ABLIM1: variants seen among roughly 807,000 people sequenced by gnomAD.
ABLIM1 encodes the protein actin binding LIM protein 1.
ABLIM1 carries 40 observed loss-of-function variants against 107.0 expected under a neutral mutation model. That is an observed-to-expected ratio of 0.37 (90% CI 0.29 to 0.49). ABLIM1 has a LOEUF of 0.49. Among genes scored for constraint, ABLIM1 ranks in the 20% least tolerant of loss-of-function variants. ABLIM1 has a pLI of 0.97. For missense variants in ABLIM1, 857 were observed against 1,008.5 expected (o/e 0.85, Z 2.04); for synonymous variants, 357 against 357.3 (o/e 1.00, Z 0.01).
At chr10:114,491,012 G>GTGTGTGTGTGTGTGTATATATA in intron 7 of ABLIM1, among the ~76,000 whole-genome samples, 7 of 92,384 alleles carry the variant, frequency 7.6e-5, no homozygotes, top group African/African-American at 2.8e-4. Context: ...GTGTGTGTGT[G>GTGTGTGTGTGTGTGTATATATA]TATATATATA....
At chr10:114,452,202 A>G (rs976308318) in intron 13 of ABLIM1, among the ~76,000 whole-genome samples, 1 of 152,234 alleles carries the variant, frequency 6.6e-6, no homozygotes, top group Non-Finnish European at 1.5e-5. Context: ...TGGGATGTTC[A>G]ACAAATCCTA....
chr10:114,663,183 C>T (rs2079868129), upstream of ABLIM1, among the ~76,000 whole-genome samples: 1 of 152,190 alleles, frequency 6.6e-6, no homozygotes, highest in Admixed American at 6.5e-5. Flanking sequence ...TCTGAAAATC[C>T]ACCTGTGCTT....
chr10:114,650,159 C>T (rs969574299), intron 1 of ABLIM1, among the ~76,000 whole-genome samples: 1 of 152,164 alleles, frequency 6.6e-6, no homozygotes, highest in African/African-American at 2.4e-5. Flanking sequence ...CCAGCCTCCA[C>T]ACAATCCATA....
Position 114,436,187 on chromosome 10 carries a change from G to T in ABLIM1, c.*73C>A. 1 of 1,200,564 alleles carries T rather than the reference G, an allele frequency of 8.3e-7. No homozygotes were observed. Among genetic ancestry groups the T allele is most frequent in the Non-Finnish European group, 1.2e-6 (1 of 832,374 alleles). 74.4% of individuals were successfully genotyped at this position (1,200,564 alleles called of 1,614,324 possible). A position where few individuals can be genotyped will look rare whatever the true frequency, so the allele number is the denominator to read the frequency against. On this transcript the variant is annotated 3_prime_UTR_variant, in exon 23 of 23. Coordinates refer to ENST00000533213, the MANE Select transcript of ABLIM1 (RefSeq NM_002313.7). ...GTTTGCAAATTCTCCAATCAAGTTT[G>T]GGCCTCAATATGACATCCTATGGGG...
intron 1 of ABLIM1, among the ~76,000 whole-genome samples, chr10:114,612,300 T>G (rs1028847180): frequency 6.6e-6 from 1 of 152,194 alleles, no homozygotes; most frequent in African/African-American, 2.4e-5. Flanking sequence ...CTATCCTCGC[T>G]CTCACACCCT....
At chr10:114,592,762 A>G (rs1435228431) in intron 2 of ABLIM1, among the ~76,000 whole-genome samples, 2 of 152,174 alleles carry the variant, frequency 1.3e-5, no homozygotes, top group Non-Finnish European at 2.9e-5. Context: ...TTTGTGGCAC[A>G]TGAGAGAAAA....
At chr10:114,690,306 A>C (rs1055389338) in intron 1 of ABLIM1, 1 of 1,593,020 alleles carries the variant, frequency 6.3e-7, no homozygotes. Context: ...GCAGATGAAA[A>C]ACTGGGAACC....
intron 14 of ABLIM1, among the ~76,000 whole-genome samples, chr10:114,451,372 C>T (rs938741763): frequency 3.9e-5 from 6 of 152,206 alleles, no homozygotes; most frequent in African/African-American, 1.2e-4. Flanking sequence ...TTCCCCTTCT[C>T]TAGGAACAGA....
At chr10:114,682,709 G>C (rs934148032) in intron 1 of ABLIM1, among the ~76,000 whole-genome samples, 1 of 152,142 alleles carries the variant, frequency 6.6e-6, no homozygotes, top group African/African-American at 2.4e-5. Flanking sequence ...CAAGTGGAAA[G>C]ACTCCAAATA....
rs200265206 is a variant in ABLIM1 at position 114,477,865 on chromosome 10, CG to C, written c.1042-3910del. ...TCAGCCTCCCAAGTAGCTGGGACTA[CG>C]GGGACTTGCCACCCACCCAGCTAAT... On this transcript the variant is annotated intron_variant, in intron 8 of 22. Coordinates refer to ENST00000533213, the MANE Select transcript of ABLIM1 (RefSeq NM_002313.7). Among the ~76,000 whole-genome samples, 527 of 152,264 alleles carry C rather than the reference CG, an allele frequency of 3.5e-3. 6 individuals carry two copies. Among genetic ancestry groups the C allele is most frequent in the African/African-American group, 0.012 (492 of 41,548 alleles).
chr10:114,581,527 C>A (rs1386920431), intron 2 of ABLIM1, among the ~76,000 whole-genome samples: 1 of 152,184 alleles, frequency 6.6e-6, no homozygotes, highest in African/African-American at 2.4e-5. Flanking sequence ...CTGAACATCT[C>A]TTTCTTGTGC....
At chr10:114,700,198 C>A (rs73371872) in intron 1 of ABLIM1, among the ~76,000 whole-genome samples, 1 of 152,028 alleles carries the variant, frequency 6.6e-6, no homozygotes, top group Non-Finnish European at 1.5e-5. Context: ...AGGATGCATT[C>A]GAGCATTATG....
chr10:114,775,365 G>T, the ABLIM1 span, among the ~76,000 whole-genome samples: 1 of 152,144 alleles, frequency 6.6e-6, no homozygotes, highest in South Asian at 2.1e-4. Flanking sequence ...AGATATGTGG[G>T]AGTTCAATGG....
At chr10:114,593,327 C>G (rs534845948) in intron 2 of ABLIM1, among the ~76,000 whole-genome samples, 2 of 152,262 alleles carry the variant, frequency 1.3e-5, no homozygotes, top group South Asian at 4.1e-4. Context: ...TGCAAGCTAA[C>G]AAGTTCACCT....
intron 6 of ABLIM1, among the ~76,000 whole-genome samples, chr10:114,512,613 T>A (rs1175176784): frequency 6.6e-6 from 1 of 152,012 alleles, no homozygotes; most frequent in Non-Finnish European, 1.5e-5. Context: ...TCACTTGAGG[T>A]CAGGAGTTCA....
chr10:114,708,578 T>C (rs548873060), intron 1 of ABLIM1, among the ~76,000 whole-genome samples: 2 of 152,162 alleles, frequency 1.3e-5, no homozygotes, highest in South Asian at 4.1e-4. Context: ...ATGGGGAGAA[T>C]AAGAAGACAA....
chr10:114,760,932 A>G (rs1390637257), intron 1 of ABLIM1, among the ~76,000 whole-genome samples: 1 of 152,238 alleles, frequency 6.6e-6, no homozygotes, highest in African/African-American at 2.4e-5. Context: ...ACTAAATCTA[A>G]TAATGGCTAA....
chr10:114,739,354 C>A (rs769820769), intron 1 of ABLIM1, among the ~76,000 whole-genome samples: 3 of 152,082 alleles, frequency 2.0e-5, no homozygotes, highest in African/African-American at 7.2e-5. Context: ...TACATCCTGG[C>A]GAGTCCATAG....
chr10:114,511,760 C>T (rs746264111), intron 6 of ABLIM1, among the ~76,000 whole-genome samples: 21 of 152,158 alleles, frequency 1.4e-4, no homozygotes, highest in Non-Finnish European at 2.5e-4. Flanking sequence ...CAGTTTGCAT[C>T]AAACAGGTCA....
Sources: gnomAD v4.1 joint callset for allele counts (sites outside exome capture counted in the v4.1 genomes callset) on GRCh38, gnomAD v4.1.1 for gene constraint, MANE v1.5 for transcripts, NCBI Gene and HGNC (gene_info 2026-07-23, HGNC 2026-07-21) for gene names.